KIF26B: variants seen among roughly 807,000 people sequenced by gnomAD.
KIF26B encodes the protein kinesin family member 26B.
Under a neutral mutation model 151.2 loss-of-function variants are expected in KIF26B, and 63 were observed. That is an observed-to-expected ratio of 0.42 (90% CI 0.34 to 0.51). KIF26B has a LOEUF of 0.51. Among genes scored for constraint, KIF26B ranks in the 20% least tolerant of loss-of-function variants. The pLI, the probability that KIF26B is intolerant of heterozygous loss-of-function variation, is 0.07. For missense variants in KIF26B, 2,813 were observed against 2,913.6 expected, an observed-to-expected ratio of 0.97 and a Z score of 0.79; for synonymous variants, 1,357 against 1,262.1, an observed-to-expected ratio of 1.08 and a Z score of -1.59.
At chr1:245,267,140 G>A (rs1350385083) in intron 2 of KIF26B, among the ~76,000 whole-genome samples, 3 of 152,086 alleles carry the variant, frequency 2.0e-5, no homozygotes, top group Non-Finnish European at 2.9e-5. Context: ...CCTCCTCGCC[G>A]CCTGCCACAT....
chr1:245,680,104 A>C (rs539700973), intron 10 of KIF26B, among the ~76,000 whole-genome samples: 1 of 151,758 alleles, frequency 6.6e-6, no homozygotes, highest in South Asian at 2.1e-4. Context: ...TGCCCTGGAA[A>C]CTCTTTTGAA....
chr1:245,585,172 T>C (rs2043211713), intron 5 of KIF26B, among the ~76,000 whole-genome samples: 1 of 152,106 alleles, frequency 6.6e-6, no homozygotes, highest in Non-Finnish European at 1.5e-5. Context: ...AATCAGAAAC[T>C]CTGGGAGGGG....
At chr1:245,380,496 T>C (rs960694004) in intron 3 of KIF26B, among the ~76,000 whole-genome samples, 2 of 152,302 alleles carry the variant, frequency 1.3e-5, no homozygotes, top group Admixed American at 1.3e-4. Flanking sequence ...CCCACCTGCT[T>C]GTTCATGACG....
chr1:245,283,615 A>G (rs547063616), intron 2 of KIF26B, among the ~76,000 whole-genome samples: 48 of 151,988 alleles, frequency 3.2e-4, no homozygotes, highest in African/African-American at 1.0e-3. Context: ...GCAAAAAAGT[A>G]TATGTAGTGT....
chr1:245,258,529 CA>C (rs1670580370), intron 2 of KIF26B, among the ~76,000 whole-genome samples: 1 of 152,142 alleles, frequency 6.6e-6, no homozygotes, highest in Non-Finnish European at 1.5e-5. Flanking sequence ...CAAAAATGAG[CA>C]GGTAAACAAA....
chr1:245,243,316 C>A (rs964106524), intron 2 of KIF26B, among the ~76,000 whole-genome samples: 26 of 152,136 alleles, frequency 1.7e-4, no homozygotes, highest in Admixed American at 6.6e-5. Context: ...ACCATCTTTG[C>A]AAATGCCAGT....
chr1:245,246,770 A>T (rs1332884333), intron 2 of KIF26B, among the ~76,000 whole-genome samples: 1 of 152,128 alleles, frequency 6.6e-6, no homozygotes, highest in East Asian at 1.9e-4. Flanking sequence ...GTTAGAAGAC[A>T]AAGGAATTCC....
chr1:245,156,299 G>A lies in KIF26B; in HGVS notation c.81G>A (p.Ser27=). Residue 27 remains serine (S), a synonymous_variant, in exon 2 of 15, where the codon TCG becomes TCA. Transcript: ENST00000407071. The part of the protein sequence containing the change: ...GKKYGVNEVC[S]PTKPAAPFSP... ...CCCCGCAGGTGAATGAAGTCTGCTC[G>A]CCCACCAAGCCCGCAGCGCCCTTCT... is the stretch of plus-strand genomic sequence containing the variant. 6.5e-7 allele frequency: 1 copy of A among 1,547,038 alleles called. No homozygotes were observed. The highest frequency in any genetic ancestry group is 8.7e-7 in the Non-Finnish European group (1 of 1,145,942).
At chr1:245,598,538 G>C (rs924396665) in intron 5 of KIF26B, among the ~76,000 whole-genome samples, 8 of 152,176 alleles carry the variant, frequency 5.3e-5, no homozygotes, top group African/African-American at 1.9e-4. Context: ...TGTCTGCTGT[G>C]ATCACGTGTA....
chr1:245,482,332 C>T lies in KIF26B; in HGVS notation c.1167-58435C>T, dbSNP rs554842803. Among the ~76,000 whole-genome samples the T allele has an allele frequency of 2.0e-5, 3 of 151,816 alleles. 1 individual carries two copies. Among genetic ancestry groups the T allele is most frequent in the Non-Finnish European group, 2.9e-5 (2 of 67,824 alleles). On this transcript the variant is annotated intron_variant, in intron 4 of 14. Coordinates refer to ENST00000407071, the MANE Select transcript of KIF26B (RefSeq NM_018012.4). ...CTCGAACTCCTGACCTCGTGATCCT[C>T]CCGCCTCAGCCTCCCAAAGTGCTGG... is the stretch of plus-strand genomic sequence containing the variant.
chr1:245,184,050 G>GTTGTTTT (rs1553332271), intron 2 of KIF26B, among the ~76,000 whole-genome samples: 46 of 19,796 alleles, frequency 2.3e-3, no homozygotes, highest in Middle Eastern at 0.033. Flanking sequence ...GGGAGTTGTT[G>GTTGTTTT]TTTTTTTTTT....
intron 4 of KIF26B, among the ~76,000 whole-genome samples, chr1:245,473,388 G>A (rs1036200090): frequency 2.3e-4 from 35 of 152,184 alleles, no homozygotes; most frequent in Admixed American, 1.3e-4. Context: ...TAGACATTAA[G>A]GTTTACAACC....
In KIF26B at chr1:245,692,701, C is replaced by T. The variant is rs192672928; in HGVS notation, c.5824+3894C>T. Among the ~76,000 whole-genome samples, 588 of 152,320 alleles carry T rather than the reference C, an allele frequency of 3.9e-3. 6 individuals are homozygous for T. The highest frequency in any genetic ancestry group is 0.013 in the African/African-American group (550 of 41,550). The stretch of plus-strand genomic sequence containing the variant: ...ACAGTACACATTATTCTATATTCTA[C>T]ATAGTTCTAAAAGAATATCAGTATA... On this transcript the variant is annotated intron_variant, in intron 12 of 14. Transcript: ENST00000407071.
At chr1:245,481,791 A>G (rs1266985851) in intron 4 of KIF26B, among the ~76,000 whole-genome samples, 5 of 151,746 alleles carry the variant, frequency 3.3e-5, no homozygotes, top group African/African-American at 1.2e-4. Context: ...GAATTCCCCT[A>G]GTGCCTCTGG....
chr1:245,213,221 C>A (rs1449179728), intron 2 of KIF26B, among the ~76,000 whole-genome samples: 1 of 152,196 alleles, frequency 6.6e-6, no homozygotes, highest in Non-Finnish European at 1.5e-5. Flanking sequence ...CCACAATTAA[C>A]CCCAAAAGAC....
intron 9 of KIF26B, among the ~76,000 whole-genome samples, chr1:245,633,594 G>C (rs1025302799): frequency 2.0e-5 from 3 of 151,816 alleles, no homozygotes; most frequent in African/African-American, 7.3e-5. Flanking sequence ...TCCAGATGTA[G>C]AACTCCCTCA....
intron 5 of KIF26B, among the ~76,000 whole-genome samples, chr1:245,588,865 TG>T (rs890630897): frequency 1.3e-5 from 2 of 152,046 alleles, no homozygotes; most frequent in African/African-American, 4.8e-5. Context: ...GGGAAAGAAT[TG>T]GGGTAACTGT....
intron 2 of KIF26B, among the ~76,000 whole-genome samples, chr1:245,190,596 T>G (rs1669085020): frequency 6.6e-6 from 1 of 151,340 alleles, no homozygotes; most frequent in Non-Finnish European, 1.5e-5. Context: ...GTTTTATACA[T>G]AGGACATCTT....
chr1:245,434,570 T>C (rs1224538967), intron 4 of KIF26B, among the ~76,000 whole-genome samples: 2 of 152,196 alleles, frequency 1.3e-5, no homozygotes, highest in African/African-American at 2.4e-5. Flanking sequence ...CTTATGGTTC[T>C]CAAGGCCCAG....
Sources: allele counts gnomAD v4.1 joint callset (sites outside exome capture counted in the v4.1 genomes callset), GRCh38; gene constraint gnomAD v4.1.1; transcripts MANE v1.5; gene names NCBI Gene and HGNC (gene_info 2026-07-23, HGNC 2026-07-21).